The following IRF2 variants were observed in gnomAD, a reference collection of about 807,000 sequenced individuals.
IRF2 encodes interferon regulatory factor 2.
IRF2 carries 15 observed loss-of-function variants against 40.6 expected under a neutral mutation model. That is an observed-to-expected ratio of 0.37 (90% CI 0.25 to 0.57). The LOEUF is 0.57. IRF2 is among the 20% of genes least tolerant of loss of function. IRF2 has a pLI of 0.77. For missense variants in IRF2, 317 were observed against 455.7 expected, an observed-to-expected ratio of 0.70 and a Z score of 2.77; for synonymous variants, 151 against 165.5, an observed-to-expected ratio of 0.91 and a Z score of 0.67.
chr4:184,469,846 C>T (rs1306790551), intron 1 of IRF2, among the ~76,000 whole-genome samples: 5 of 152,156 alleles, frequency 3.3e-5, no homozygotes, highest in Admixed American at 1.3e-4. Flanking sequence ...GAGCCTCAGA[C>T]GGAGTCCCAG....
In IRF2 at chr4:184,448,176, G is replaced by A. The variant is rs114983657; in HGVS notation, c.-6-19106C>T. 3.5e-3 allele frequency among the ~76,000 whole-genome samples: 527 copies of A among 152,352 alleles called. 1 individual carries two copies. Among genetic ancestry groups the A allele is most frequent in the African/African-American group, 0.012 (510 of 41,574 alleles). On this transcript the variant is annotated intron_variant, in intron 1 of 8. Coordinates refer to ENST00000393593, the MANE Select transcript of IRF2 (RefSeq NM_002199.4). This position sits in a 1 kb window ranked among gnomAD's most constrained non-coding sequence, Gnocchi z 4.3. ...GACTTGGCCAGAAAGACAATACCAAGTAGGTAAGTAATTTCCAGTACAGAG... is the reference window on the plus strand; with the variant it reads ...GACTTGGCCAGAAAGACAATACCAAATAGGTAAGTAATTTCCAGTACAGAG...
rs1342995453 is a variant in IRF2 at position 184,443,011 on chromosome 4, C to T, written c.-6-13941G>A. Among the ~76,000 whole-genome samples, 5 of 152,172 alleles carry T rather than the reference C, an allele frequency of 3.3e-5. No homozygotes were observed. The South Asian group carries it at 1.0e-3, about 32-fold the overall frequency. On this transcript the variant is annotated intron_variant, in intron 1 of 8. Transcript: ENST00000393593. ...CACGATCTCTGCTCACTGCACCCTC[C>T]GCCTCCCAGGTTCAAGCGATTCTCC...
At chr4:184,412,565 T>A (rs1383044154) in intron 5 of IRF2, among the ~76,000 whole-genome samples, 1 of 152,224 alleles carries the variant, frequency 6.6e-6, no homozygotes, top group Non-Finnish European at 1.5e-5. Flanking sequence ...TAACAGAACG[T>A]GTAGGCTGAC....
intron 7 of IRF2, among the ~76,000 whole-genome samples, chr4:184,392,428 T>G (rs915804190): frequency 6.6e-6 from 1 of 152,236 alleles, no homozygotes; most frequent in African/African-American, 2.4e-5. Context: ...TAGGGAGCCC[T>G]ATGGGTCAGT....
intron 1 of IRF2, among the ~76,000 whole-genome samples, chr4:184,429,534 G>A (rs910867260): frequency 3.3e-5 from 5 of 152,262 alleles, no homozygotes; most frequent in South Asian, 4.1e-4. Flanking sequence ...TTATACAAAC[G>A]CTTTCAACCC....
rs1033886522 is a variant in IRF2 at position 184,472,777 on chromosome 4, G to A, written c.-7+1602C>T. On this transcript the variant is annotated intron_variant, in intron 1 of 8. Coordinates refer to ENST00000393593, the MANE Select transcript of IRF2 (RefSeq NM_002199.4). Reference sequence around the variant, plus strand: ...TGAGCTACCTCGGCCGCCAGTCCCCGGGATCACATCCGCAGCCGAGCGCCA... The same window carrying A: ...TGAGCTACCTCGGCCGCCAGTCCCCAGGATCACATCCGCAGCCGAGCGCCA... 2.0e-5 allele frequency among the ~76,000 whole-genome samples: 3 copies of A among 152,174 alleles called. No homozygotes were observed. The East Asian group carries it at 5.8e-4, about 29-fold the overall frequency.
intron 8 of IRF2, among the ~76,000 whole-genome samples, chr4:184,390,284 G>A (rs1003568050): frequency 2.0e-5 from 3 of 152,182 alleles, no homozygotes; most frequent in African/African-American, 4.8e-5. Flanking sequence ...GGGTCACAGC[G>A]GGAGGGAACC....
At chr4:184,465,696 C>G (rs1739293415) in intron 1 of IRF2, among the ~76,000 whole-genome samples, 1 of 152,122 alleles carries the variant, frequency 6.6e-6, no homozygotes, top group East Asian at 1.9e-4. Flanking sequence ...TATAAGCTAC[C>G]TATAGTCTGT....
chr4:184,454,610 A>G (rs563170447), intron 1 of IRF2, among the ~76,000 whole-genome samples: 7 of 152,300 alleles, frequency 4.6e-5, no homozygotes, highest in Middle Eastern at 3.4e-3. Flanking sequence ...TCTGGCATCC[A>G]TTGGATGGTC....
chr4:184,414,899 C>T (rs1393381644), intron 5 of IRF2, among the ~76,000 whole-genome samples: 2 of 152,194 alleles, frequency 1.3e-5, no homozygotes, highest in Non-Finnish European at 2.9e-5. Context: ...CGTAGTGTAT[C>T]CAGTTACATA....
At chr4:184,412,010 A>G (rs1421046809) in intron 5 of IRF2, among the ~76,000 whole-genome samples, 9 of 135,552 alleles carry the variant, frequency 6.6e-5, no homozygotes, top group South Asian at 4.7e-4. Context: ...AAGATTAAAA[A>G]AAAAAAAAAA....
At chr4:184,442,859 C>G (rs1738362168) in intron 1 of IRF2, among the ~76,000 whole-genome samples, 1 of 119,370 alleles carries the variant, frequency 8.4e-6, no homozygotes, top group Non-Finnish European at 1.6e-5. Flanking sequence ...GTACTTCTCT[C>G]TTGGTCTTCA....
chr4:184,439,852 C>T (rs1462457108), intron 1 of IRF2, among the ~76,000 whole-genome samples: 5 of 152,158 alleles, frequency 3.3e-5, no homozygotes, highest in Non-Finnish European at 5.9e-5. Flanking sequence ...TGTGTGTGCA[C>T]AAAAGTCACC....
Position 184,398,943 on chromosome 4 carries a change from C to T in IRF2, c.666G>A (p.Leu222=). The stretch of plus-strand genomic sequence containing the variant: ...CATAGGAAGACACGGGGGAGATCTG[C>T]AGAGGGTAGAGCTCGCTCATGCTGA... The part of the protein sequence containing the change: ...QPVSMSELYP[L]QISPVSSYAE... The change falls in exon 7 of 9, where the codon CTG becomes CTA. Residue 222 remains leucine (L), a synonymous_variant. Coordinates refer to ENST00000393593, the MANE Select transcript of IRF2 (RefSeq NM_002199.4). 1.9e-6 allele frequency: 3 copies of T among 1,610,726 alleles called. No individual in the cohort carries two copies. Among genetic ancestry groups the T allele is most frequent in the Non-Finnish European group, 2.5e-6 (3 of 1,178,650 alleles).
chr4:184,449,862 A>G (rs1738649829), intron 1 of IRF2, among the ~76,000 whole-genome samples: 1 of 152,234 alleles, frequency 6.6e-6, no homozygotes, highest in Non-Finnish European at 1.5e-5. Flanking sequence ...TATGGTGACC[A>G]AGCCAAAATG....
At chr4:184,461,685 C>CG (rs60947678) in intron 1 of IRF2, among the ~76,000 whole-genome samples, 3 of 134,156 alleles carry the variant, frequency 2.2e-5, no homozygotes, top group African/African-American at 8.7e-5. Context: ...CCTCTACCCG[C>CG]CCCCCCACCG....
At chr4:184,456,020 C>T (rs945271743) in intron 1 of IRF2, among the ~76,000 whole-genome samples, 1 of 152,208 alleles carries the variant, frequency 6.6e-6, no homozygotes, top group Non-Finnish European at 1.5e-5. Flanking sequence ...TCAAGCAAGA[C>T]GTGGTGTCCC....
At chr4:184,461,771 C>A (rs553207738) in intron 1 of IRF2, among the ~76,000 whole-genome samples, 1 of 127,288 alleles carries the variant, frequency 7.9e-6, no homozygotes, top group South Asian at 2.6e-4. Flanking sequence ...GCATTAAAAG[C>A]ACCTGTAAGT....
intron 1 of IRF2, among the ~76,000 whole-genome samples, chr4:184,452,820 AGAGAG>A: frequency 6.9e-6 from 1 of 143,896 alleles, no homozygotes. Context: ...GAAGAAATAG[AGAGAG>A]AAGAAAAAAG....
Sources: gnomAD v4.1 joint callset for allele counts (sites outside exome capture counted in the v4.1 genomes callset) on GRCh38, gnomAD v4.1.1 for gene constraint, Gnocchi (gnomAD v3.1) non-coding constraint, MANE v1.5 for transcripts, NCBI Gene and HGNC (gene_info 2026-07-23, HGNC 2026-07-21) for gene names.